CLMN: variants seen among roughly 807,000 people sequenced by gnomAD.
CLMN encodes calmin.
Under a neutral mutation model 92.7 loss-of-function variants are expected in CLMN, and 57 were observed. That is an observed-to-expected ratio of 0.61 (90% confidence interval 0.50 to 0.77). CLMN has a LOEUF of 0.77. Ranked by LOEUF, CLMN falls within the 30% of genes least tolerant of loss-of-function variation. The probability of loss-of-function intolerance (pLI) is 0.00; values close to 1 mark genes in which losing one functional copy is unlikely to be tolerated. For missense variants in CLMN, 1,158 were observed against 1,237.5 expected (o/e 0.94, Z 0.96); for synonymous variants, 466 against 470.6 (o/e 0.99, Z 0.13).
chr14:95,218,557 G>A (rs1418886851), intron 4 of CLMN, among the ~76,000 whole-genome samples: 1 of 152,234 alleles, frequency 6.6e-6, no homozygotes, highest in Non-Finnish European at 1.5e-5. Flanking sequence ...AGCTGTTATA[G>A]CCTGTTGGGG....
chr14:95,269,843 G>C (rs536322509), intron 1 of CLMN, among the ~76,000 whole-genome samples: 1 of 152,238 alleles, frequency 6.6e-6, no homozygotes, highest in East Asian at 1.9e-4. Flanking sequence ...TGTCCTCTCC[G>C]GCCTGGCCCC....
At chr14:95,234,820 G>A (rs1897999909) in intron 1 of CLMN, among the ~76,000 whole-genome samples, 1 of 152,232 alleles carries the variant, frequency 6.6e-6, no homozygotes, top group South Asian at 2.1e-4. Context: ...CAGGCTGTCC[G>A]TGGCTGGCTC....
intron 8 of CLMN, among the ~76,000 whole-genome samples, chr14:95,206,158 G>A (rs963190901): frequency 1.3e-5 from 2 of 152,158 alleles, no homozygotes; most frequent in African/African-American, 4.8e-5. Context: ...ATCAGACAAA[G>A]CACACTTCAA....
At chr14:95,258,867 G>C (rs1167797412) in intron 1 of CLMN, among the ~76,000 whole-genome samples, 1 of 147,486 alleles carries the variant, frequency 6.8e-6, no homozygotes, top group Non-Finnish European at 1.5e-5. Flanking sequence ...TGTGTGGTAT[G>C]TGTATGTATC....
At chr14:95,317,324 G>A (rs1196588795) in intron 1 of CLMN, among the ~76,000 whole-genome samples, 1 of 152,182 alleles carries the variant, frequency 6.6e-6, no homozygotes, top group Non-Finnish European at 1.5e-5. Context: ...AGAGAAGACA[G>A]ATGCCTGCCC....
At chr14:95,307,545 G>A (rs1467781760) in intron 1 of CLMN, 2 of 152,234 alleles carry the variant, frequency 1.3e-5, no homozygotes, top group African/African-American at 2.4e-5. Context: ...TGTCCCCTAC[G>A]GGTCAGCAAT....
chr14:95,221,808 A>G, intron 3 of CLMN, 34 bp from the exon 4 acceptor site: 1 of 1,595,134 alleles, frequency 6.3e-7, no homozygotes, highest in South Asian at 1.1e-5. Flanking sequence ...CAAGCACATT[A>G]AACCCGCACA....
chr14:95,243,206 G>A (rs147991096), intron 1 of CLMN, among the ~76,000 whole-genome samples: 17 of 152,242 alleles, frequency 1.1e-4, no homozygotes, highest in South Asian at 4.1e-4. Context: ...TGTCCTTACC[G>A]CTCATGGCCC....
intron 12 of CLMN, 28 bp downstream of exon 12, chr14:95,193,821 C>T: frequency 6.2e-7 from 1 of 1,611,718 alleles, no homozygotes; most frequent in Non-Finnish European, 8.5e-7. Context: ...ATTACTACCC[C>T]CACAAAACCT....
At position 95,209,317 on chromosome 14, in the gene CLMN, C is replaced by T. The variant is rs1897129295; in HGVS notation, c.885+78G>A. The T allele has an allele frequency of 5.9e-6, 8 of 1,345,426 alleles. No individual in the cohort carries two copies. The Admixed American group carries it at 1.3e-4, about 23-fold the overall frequency. The allele number at this position is 1,345,426 out of a possible 1,614,324, so 83.3% of individuals were successfully genotyped here. On this transcript the variant is annotated intron_variant, in intron 8 of 12. Transcript: ENST00000298912. ...TGCTAGTTACACAGAGCAACGCTGC[C>T]CACGTCCCTGCTTCGTCTGATGGCC...
chr14:95,239,347 G>C (rs1162658107), intron 1 of CLMN, among the ~76,000 whole-genome samples: 2 of 152,144 alleles, frequency 1.3e-5, no homozygotes, highest in Non-Finnish European at 2.9e-5. Flanking sequence ...AGATGGGTAA[G>C]AAAATGAAGA....
At chr14:95,308,700 A>C (rs1306617333) in intron 1 of CLMN, among the ~76,000 whole-genome samples, 1 of 93,092 alleles carries the variant, frequency 1.1e-5, no homozygotes, top group Non-Finnish European at 2.4e-5. Context: ...TAACCAATAA[A>C]GGCAGTCCCT....
At chr14:95,222,766 A>G (rs1382398167) in intron 3 of CLMN, among the ~76,000 whole-genome samples, 1 of 152,246 alleles carries the variant, frequency 6.6e-6, no homozygotes, top group Non-Finnish European at 1.5e-5. Context: ...GGGTGCCGCT[A>G]ATAGGTATCT....
In CLMN at chr14:95,191,663, C is replaced by G; in HGVS notation, c.2910G>C (p.Gln970His). The G allele has an allele frequency of 1.2e-6, 2 of 1,613,720 alleles. No homozygotes were observed. The highest frequency in any genetic ancestry group is 8.5e-7 in the Non-Finnish European group (1 of 1,179,998). ...SHSPQSDSLT[Q>H]LVQQPDMMYF... Reference sequence around the variant, plus strand: ...ACATCATATCCGGCTGCTGGACAAGCTGTGTCAGGGAGTCACTCTGCGGGC... The same window carrying G: ...ACATCATATCCGGCTGCTGGACAAGGTGTGTCAGGGAGTCACTCTGCGGGC... The change falls in exon 13 of 13, where the codon CAG becomes CAC. Residue 970 changes from glutamine (Q) to histidine (H), a missense_variant. Coordinates refer to ENST00000298912, the MANE Select transcript of CLMN (RefSeq NM_024734.4). This position sits in a 1 kb window ranked among gnomAD's most constrained non-coding sequence, Gnocchi z 5.3.
rs571826652 is a variant in CLMN, at chr14:95,188,188, C to T, written c.*3376G>A. ...GCTTTTGGATGCCTCACTCTTAAAA[C>T]ATGAACAGATCCATAGGATCACCAT... On this transcript the variant is annotated 3_prime_UTR_variant, in exon 13 of 13. Transcript: ENST00000298912. 43 of 152,326 alleles carry T rather than the reference C, an allele frequency of 2.8e-4. No individual in the cohort carries two copies. The highest frequency in any genetic ancestry group is 2.7e-3 in the Admixed American group (41 of 15,296). 9.4% of individuals were successfully genotyped at this position (152,326 alleles called of 1,614,324 possible). A position where few individuals can be genotyped will look rare whatever the true frequency, so the allele number is the denominator to read the frequency against.
At position 95,204,055 on chromosome 14, in the gene CLMN, T is replaced by C; in HGVS notation, c.1294A>G (p.Thr432Ala). The C allele has an allele frequency of 1.2e-6, 2 of 1,614,186 alleles. No homozygotes were observed. The highest frequency in any genetic ancestry group is 1.1e-5 in the South Asian group (1 of 91,078). ...IKKTVHFEAD[T>A]YKDPFCSKNL... Reference sequence around the variant, plus strand: ...TTACTGCAGAAAGGATCCTTGTAGGTGTCAGCCTCAAAGTGAACTGTTTTC... The same window carrying C: ...TTACTGCAGAAAGGATCCTTGTAGGCGTCAGCCTCAAAGTGAACTGTTTTC... The change falls in exon 9 of 13, where the codon ACC (threonine) becomes GCC (alanine). Residue 432 changes from threonine to alanine, a missense_variant. Thr to Ala is a moderately conservative substitution (Grantham distance 58, BLOSUM62 0). Transcript: ENST00000298912.
At chr14:95,206,785 T>C (rs1303436845) in intron 8 of CLMN, among the ~76,000 whole-genome samples, 2 of 152,228 alleles carry the variant, frequency 1.3e-5, no homozygotes, top group Non-Finnish European at 2.9e-5. Flanking sequence ...CTGTGTCAGA[T>C]TTGCTCAATT....
intron 1 of CLMN, among the ~76,000 whole-genome samples, chr14:95,317,985 A>C (rs1595131021): frequency 6.6e-6 from 1 of 152,074 alleles, no homozygotes; most frequent in African/African-American, 2.4e-5. Context: ...CTCCTACCCA[A>C]CCTCCAGGAC....
In CLMN at chr14:95,311,143, C is replaced by T. The variant is rs187868755; in HGVS notation, c.82+8568G>A. ...GGGACACGGGAGGCGAGGGAAGAGG[C>T]GCATGAACAGTGCTATCTGAAGGTT... is the stretch of plus-strand genomic sequence containing the variant. On this transcript the variant is annotated intron_variant, in intron 1 of 12. Coordinates refer to ENST00000298912, the MANE Select transcript of CLMN (RefSeq NM_024734.4). Among the ~76,000 whole-genome samples, 34 of 152,208 alleles carry T rather than the reference C, an allele frequency of 2.2e-4. No individual in the cohort carries two copies. The South Asian group carries it at 4.4e-3, about 20-fold the overall frequency.
Sources: allele counts gnomAD v4.1 joint callset (sites outside exome capture counted in the v4.1 genomes callset), GRCh38; gene constraint gnomAD v4.1.1; non-coding constraint Gnocchi (gnomAD v3.1); transcripts MANE v1.5; gene names NCBI Gene and HGNC (gene_info 2026-07-23, HGNC 2026-07-21).